Variants in ECE1 observed in about 807,000 individuals in gnomAD.
ECE1 encodes the protein endothelin-converting enzyme 1.
Under a neutral mutation model 98.6 loss-of-function variants are expected in ECE1, and 35 were observed. That is an observed-to-expected ratio of 0.35 (90% CI 0.27 to 0.47). The LOEUF (loss-of-function observed/expected upper bound fraction) is 0.47, where lower values mean the gene tolerates loss of function less well. ECE1 is among the 20% of genes least tolerant of loss of function. The probability of loss-of-function intolerance (pLI) is 1.00; values close to 1 mark genes in which losing one functional copy is unlikely to be tolerated. For missense variants in ECE1, 814 were observed against 1,025.3 expected (o/e 0.79, Z 2.81); for synonymous variants, 394 against 407.1 (o/e 0.97, Z 0.39).
chr1:21,239,654 T>C (rs1345621826), intron 10 of ECE1, among the ~76,000 whole-genome samples: 1 of 152,194 alleles, frequency 6.6e-6, no homozygotes, highest in Non-Finnish European at 1.5e-5. Context: ...CACACCCAGC[T>C]GCACCAGCCT....
At chr1:21,222,817 G>GGGT (rs2098169149) in intron 17 of ECE1, among the ~76,000 whole-genome samples, 1 of 141,450 alleles carries the variant, frequency 7.1e-6, no homozygotes, top group African/African-American at 2.6e-5. Flanking sequence ...ACTCCAGCCT[G>GGGT]GGTGACAGAG....
Position 21,245,082 on chromosome 1 carries a change from G to A in ECE1, c.1185C>T (p.Ile395=). The A allele has an allele frequency of 6.2e-7, 1 of 1,614,234 alleles. No homozygotes were observed. Among genetic ancestry groups the A allele is most frequent in the Non-Finnish European group, 8.5e-7 (1 of 1,180,026 alleles). The change falls in exon 10 of 19, where the codon ATC becomes ATT. Residue 395 remains isoleucine, a synonymous_variant. Coordinates refer to ENST00000374893, the MANE Select transcript of ECE1 (RefSeq NM_001397.3). ...AGCTTGTTTTCCGCACCAGGTTCCA[G>A]ATCATGTAGTTGTTGAGCAGGCTGC... ...TDRCLLNNYM[I]WNLVRKTSSF... is the part of the protein sequence containing the mutation.
chr1:21,310,597 C>T (rs1329261155), intron 1 of ECE1, among the ~76,000 whole-genome samples: 1 of 152,148 alleles, frequency 6.6e-6, no homozygotes, highest in African/African-American at 2.4e-5. Context: ...CACATCATCC[C>T]TCCTGCCACC....
At chr1:21,241,703 G>A (rs1178716393) in intron 10 of ECE1, among the ~76,000 whole-genome samples, 1 of 152,190 alleles carries the variant, frequency 6.6e-6, no homozygotes, top group Non-Finnish European at 1.5e-5. Context: ...GGGATTACAG[G>A]CATGAGCCAC....
At chr1:21,323,071 ATC>A (rs545721241) in intron 1 of ECE1, among the ~76,000 whole-genome samples, 52 of 152,308 alleles carry the variant, frequency 3.4e-4, no homozygotes, top group African/African-American at 1.1e-3. Flanking sequence ...TTCCTTTTGA[ATC>A]TCAAAAATTC....
At chr1:21,261,023 C>T (rs901249413) in intron 4 of ECE1, among the ~76,000 whole-genome samples, 1 of 152,202 alleles carries the variant, frequency 6.6e-6, no homozygotes, top group Admixed American at 6.5e-5. Context: ...CCTTCTCCCT[C>T]ACCTCAGTGC....
At chr1:21,252,054 G>C (rs2098213505) in intron 8 of ECE1, among the ~76,000 whole-genome samples, 1 of 152,170 alleles carries the variant, frequency 6.6e-6, no homozygotes, top group African/African-American at 2.4e-5. Flanking sequence ...TGGGAAAATC[G>C]ACAAGTTTAC....
chr1:21,252,802 T>C (rs2098214427), intron 8 of ECE1, among the ~76,000 whole-genome samples: 1 of 152,094 alleles, frequency 6.6e-6, no homozygotes, highest in African/African-American at 2.4e-5. Context: ...TGTCCCAGAG[T>C]AGAATGAATC....
At chr1:21,285,990 C>CAA (rs3061092) in intron 2 of ECE1, among the ~76,000 whole-genome samples, 9,395 of 68,702 alleles carry the variant, frequency 0.14, 505 homozygotes, top group Middle Eastern at 0.24. Flanking sequence ...GACTCTGTCT[C>CAA]AAAAAAAAAA....
chr1:21,315,954 C>T (rs2103395635), intron 1 of ECE1, among the ~76,000 whole-genome samples: 1 of 152,258 alleles, frequency 6.6e-6, no homozygotes. Flanking sequence ...AAGAATGGGA[C>T]TTAACCTCTC....
At chr1:21,247,132 G>A (rs2098204791) in intron 9 of ECE1, 89 bp downstream of exon 9, 1 of 1,590,542 alleles carries the variant, frequency 6.3e-7, no homozygotes, top group Non-Finnish European at 8.6e-7. Flanking sequence ...ACTCTCCTGA[G>A]TCAGACTGTC....
chr1:21,248,781 C>T (rs1304126417), intron 8 of ECE1, among the ~76,000 whole-genome samples: 3 of 151,974 alleles, frequency 2.0e-5, no homozygotes, highest in Non-Finnish European at 4.4e-5. Flanking sequence ...TGAGCCACCA[C>T]TCCTGGCTAA....
rs1034826128 is a variant in ECE1 at position 21,327,441 on chromosome 1, C to A, written c.3+17935G>T. On this transcript the variant is annotated intron_variant, in intron 1 of 18. Transcript: ENST00000415912. This position sits in a 1 kb window ranked among gnomAD's most constrained non-coding sequence, Gnocchi z 4.6. ...CTGTCTGCCTCTCCCTCACCACTAC[C>A]ACTGGCCTGGGCAAAGCCACCACCA... 6.6e-5 allele frequency among the ~76,000 whole-genome samples: 10 copies of A among 152,210 alleles called. No homozygotes were observed. The highest frequency in any genetic ancestry group is 2.4e-4 in the African/African-American group (10 of 41,456).
Position 21,228,223 on chromosome 1 carries a change from A to T in ECE1, c.1671-182T>A, listed in dbSNP as rs28368032. Among the ~76,000 whole-genome samples, 1,199 of 152,202 alleles carry T rather than the reference A, an allele frequency of 7.9e-3. 17 individuals are homozygous for T. Among genetic ancestry groups the T allele is most frequent in the African/African-American group, 0.028 (1,147 of 41,546 alleles). ...ACAGAAGGACTGTTTGTTTTGAGAC[A>T]GGGTCTCGTTCTGTCGCCTAGGCTG... On this transcript the variant is annotated intron_variant, in intron 14 of 18. Transcript: ENST00000374893.
Position 21,258,521 on chromosome 1 carries a change from C to A in ECE1, c.762+172G>T, listed in dbSNP as rs212527. Reference sequence around the variant, plus strand: ...GCAGTGCCCATCTACGCAAGGCCAGCAGCCTGCAAAGATCTCACCAGTGGG... The same window carrying A: ...GCAGTGCCCATCTACGCAAGGCCAGAAGCCTGCAAAGATCTCACCAGTGGG... On this transcript the variant is annotated intron_variant, in intron 6 of 18. Coordinates refer to ENST00000374893, the MANE Select transcript of ECE1 (RefSeq NM_001397.3). This position sits in a 1 kb window ranked among gnomAD's most constrained non-coding sequence, Gnocchi z 4.2. 1.3e-5 allele frequency among the ~76,000 whole-genome samples: 2 copies of A among 152,106 alleles called. No homozygotes were observed. Among genetic ancestry groups the A allele is most frequent in the Admixed American group, 6.5e-5 (1 of 15,278 alleles).
chr1:21,235,806 G>T lies in ECE1; in HGVS notation c.1566+44C>A, dbSNP rs559955287. On this transcript the variant is annotated intron_variant, in intron 13 of 18. Transcript: ENST00000374893. This position sits in a 1 kb window ranked among gnomAD's most constrained non-coding sequence, Gnocchi z 4.2. ...CAGCCCTGCCTCGGCCCTTTTCTAA[G>T]GGGGCATTTAGGAACGCAAGGGGGC... The T allele has an allele frequency of 6.3e-7, 1 of 1,599,038 alleles. No homozygotes were observed. Among genetic ancestry groups the T allele is most frequent in the East Asian group, 2.2e-5 (1 of 44,786 alleles).
intron 1 of ECE1, among the ~76,000 whole-genome samples, chr1:21,316,576 A>C (rs539943191): frequency 6.6e-6 from 1 of 151,966 alleles, no homozygotes; most frequent in African/African-American, 2.4e-5. Flanking sequence ...CCTCGGCCTG[A>C]TTCCAGTTCT....
At chr1:21,251,344 C>G (rs1276392509) in intron 8 of ECE1, among the ~76,000 whole-genome samples, 3 of 152,064 alleles carry the variant, frequency 2.0e-5, no homozygotes, top group African/African-American at 7.2e-5. Context: ...GAAACCCTAT[C>G]TCTGCTAAAA....
At chr1:21,334,351 C>T (rs191669211) in intron 1 of ECE1, among the ~76,000 whole-genome samples, 4 of 152,334 alleles carry the variant, frequency 2.6e-5, no homozygotes, top group African/African-American at 9.6e-5. Flanking sequence ...AGTAACCACC[C>T]ACTGAACACT....
Sources: allele counts gnomAD v4.1 joint callset (sites outside exome capture counted in the v4.1 genomes callset), GRCh38; gene constraint gnomAD v4.1.1; non-coding constraint Gnocchi (gnomAD v3.1); transcripts MANE v1.5; gene names NCBI Gene and HGNC (gene_info 2026-07-23, HGNC 2026-07-21).